FHIT: variants seen among roughly 807,000 people sequenced by gnomAD.
FHIT encodes fragile histidine triad diadenosine triphosphatase, also known as bis(5'-adenosyl)-triphosphatase.
In FHIT, 19 loss-of-function variants were observed where a neutral mutation model predicts 17.9. The observed-to-expected ratio is 1.06, with a 90% CI of 0.74 to 1.56. The LOEUF is 1.56. FHIT is among the 40% of genes most tolerant of loss of function. The pLI, the probability that FHIT is intolerant of heterozygous loss-of-function variation, is 0.00. For missense variants in FHIT, 248 were observed against 189.2 expected (o/e 1.31, Z -1.82); for synonymous variants, 81 against 69.7 (o/e 1.16, Z -0.81).
intron 5 of FHIT, among the ~76,000 whole-genome samples, chr3:60,482,924 C>T (rs2033675569): frequency 6.6e-6 from 1 of 151,146 alleles, no homozygotes; most frequent in African/African-American, 2.4e-5. Flanking sequence ...AAAAAATAGA[C>T]AGCAAGCTAG....
intron 2 of FHIT, among the ~76,000 whole-genome samples, chr3:61,156,308 AC>A (rs1402087879): frequency 6.6e-6 from 1 of 152,144 alleles, no homozygotes; most frequent in Non-Finnish European, 1.5e-5. Context: ...TAACTCATAT[AC>A]CTACCATTTT....
chr3:60,722,967 C>T (rs1307967173), intron 4 of FHIT, among the ~76,000 whole-genome samples: 1 of 151,976 alleles, frequency 6.6e-6, no homozygotes, highest in African/African-American at 2.4e-5. Context: ...GTGATTTGCC[C>T]GCCTCGGCCT....
intron 5 of FHIT, among the ~76,000 whole-genome samples, chr3:60,084,913 T>C (rs1045294111): frequency 6.6e-6 from 1 of 152,162 alleles, no homozygotes; most frequent in African/African-American, 2.4e-5. Context: ...TGCTGTTACT[T>C]CAGGCATCTT....
chr3:61,177,155 C>T (rs1198494935), intron 2 of FHIT, among the ~76,000 whole-genome samples: 8 of 145,860 alleles, frequency 5.5e-5, no homozygotes, highest in Non-Finnish European at 7.5e-5. Context: ...TCAGCCTGGG[C>T]GACAGAGTAA....
Position 60,139,190 on chromosome 3 carries a change from G to A in FHIT, c.104-125038C>T, listed in dbSNP as rs539000918. On this transcript the variant is annotated intron_variant, in intron 5 of 9. Transcript: ENST00000492590. ...TGGAAATGTAATGTTTGACCTTCCC[G>A]CCTTTCAGTACAGGAAGGCACGTGA... 3.3e-5 allele frequency among the ~76,000 whole-genome samples: 5 copies of A among 152,244 alleles called. No individual in the cohort carries two copies. In the South Asian group the frequency reaches 6.2e-4, roughly 19 times the overall value.
At chr3:60,625,315 T>C (rs1047207062) in intron 4 of FHIT, among the ~76,000 whole-genome samples, 1 of 152,216 alleles carries the variant, frequency 6.6e-6, no homozygotes, top group Non-Finnish European at 1.5e-5. Context: ...ACAGGTGGAA[T>C]TGCTGAATCA....
intron 2 of FHIT, among the ~76,000 whole-genome samples, chr3:61,100,574 C>T (rs1222526223): frequency 6.6e-6 from 1 of 152,024 alleles, no homozygotes; most frequent in Non-Finnish European, 1.5e-5. Flanking sequence ...GGGTATATAC[C>T]CAGTAATGGG....
At chr3:60,396,764 T>C (rs1397339317) in intron 5 of FHIT, among the ~76,000 whole-genome samples, 3 of 152,200 alleles carry the variant, frequency 2.0e-5, no homozygotes, top group African/African-American at 7.2e-5. Flanking sequence ...ACAGAATTGT[T>C]CACTTAAAAT....
chr3:60,282,341 A>G (rs749614787), intron 5 of FHIT, among the ~76,000 whole-genome samples: 4 of 152,174 alleles, frequency 2.6e-5, no homozygotes, highest in Non-Finnish European at 5.9e-5. Context: ...TATGCCATAA[A>G]AAGGTGTGGA....
intron 5 of FHIT, among the ~76,000 whole-genome samples, chr3:60,148,490 T>A (rs1700330018): frequency 1.3e-5 from 2 of 152,204 alleles, no homozygotes; most frequent in African/African-American, 4.8e-5. Context: ...TAACTTTGGA[T>A]ATTTTACAAA....
intron 3 of FHIT, among the ~76,000 whole-genome samples, chr3:60,995,341 A>ATAG (rs2030589967): frequency 6.6e-6 from 1 of 152,014 alleles, no homozygotes; most frequent in South Asian, 2.1e-4. Context: ...AATAATAATA[A>ATAG]TAGTTTAATA....
intron 4 of FHIT, chr3:60,618,130 T>C (rs1426554007): frequency 6.5e-6 from 1 of 153,506 alleles, no homozygotes; most frequent in Non-Finnish European, 1.4e-5. Context: ...AGTGGTATCT[T>C]TTCATTTTGA....
At chr3:60,021,486 A>C (rs1700551744) in intron 5 of FHIT, among the ~76,000 whole-genome samples, 1 of 152,220 alleles carries the variant, frequency 6.6e-6, no homozygotes. Context: ...TCTTATACTG[A>C]TTGAGGGAAG....
intron 5 of FHIT, among the ~76,000 whole-genome samples, chr3:60,151,081 G>T (rs61650100): frequency 0.17 from 25,165 of 151,948 alleles, 2,948 homozygotes; most frequent in East Asian, 0.42. Context: ...ATCTTTTCAC[G>T]GTTTTAGTGA....
At chr3:60,674,809 G>T (rs1577056717) in intron 4 of FHIT, among the ~76,000 whole-genome samples, 1 of 152,242 alleles carries the variant, frequency 6.6e-6, no homozygotes, top group East Asian at 1.9e-4. Flanking sequence ...CTCTCTGCTA[G>T]GCCTCATGGT....
intron 3 of FHIT, among the ~76,000 whole-genome samples, chr3:60,942,649 C>A (rs1708467958): frequency 6.6e-6 from 1 of 151,928 alleles, no homozygotes; most frequent in South Asian, 2.1e-4. Flanking sequence ...TTAAAATAAT[C>A]ATTTTTTGCT....
At chr3:60,067,933 T>C (rs1171182987) in intron 5 of FHIT, among the ~76,000 whole-genome samples, 2 of 152,172 alleles carry the variant, frequency 1.3e-5, no homozygotes, top group Non-Finnish European at 2.9e-5. Flanking sequence ...ATTCATTTGT[T>C]CATTCAACAA....
intron 5 of FHIT, among the ~76,000 whole-genome samples, chr3:60,436,301 C>T (rs1171838526): frequency 6.6e-6 from 1 of 152,056 alleles, no homozygotes; most frequent in Non-Finnish European, 1.5e-5. Context: ...CCACCCACCT[C>T]GGCCTCCCAA....
intron 5 of FHIT, among the ~76,000 whole-genome samples, chr3:60,298,169 C>A (rs533061338): frequency 6.6e-6 from 1 of 152,114 alleles, no homozygotes; most frequent in South Asian, 2.1e-4. Context: ...CAAATCCTGT[C>A]CTTTTCAGGT....
Sources: gnomAD v4.1 joint callset for allele counts (sites outside exome capture counted in the v4.1 genomes callset) on GRCh38, gnomAD v4.1.1 for gene constraint, MANE v1.5 for transcripts, NCBI Gene and HGNC (gene_info 2026-07-23, HGNC 2026-07-21) for gene names.